The following AMPH variants were observed in gnomAD, a reference collection of about 807,000 sequenced individuals.
AMPH encodes amphiphysin (Stiff-Mann syndrome with breast cancer 128kD autoantigen).
In AMPH, 49 loss-of-function variants were observed where a neutral mutation model predicts 99.1. The observed-to-expected ratio is 0.49, with a 90% CI of 0.39 to 0.63. AMPH has a LOEUF of 0.63. Ranked by LOEUF, AMPH falls within the 20% of genes least tolerant of loss-of-function variation. The pLI is 0.00. For missense variants in AMPH, 759 were observed against 863.4 expected, an observed-to-expected ratio of 0.88 and a Z score of 1.52; for synonymous variants, 314 against 317.3, an observed-to-expected ratio of 0.99 and a Z score of 0.11.
At chr7:38,401,793 C>CT (rs1204263188) in intron 17 of AMPH, among the ~76,000 whole-genome samples, 3 of 151,908 alleles carry the variant, frequency 2.0e-5, no homozygotes, top group South Asian at 2.1e-4. Flanking sequence ...ATTAAGTTTG[C>CT]TTTTTTTGGT....
At chr7:38,476,136 T>C (rs1291186665) in intron 6 of AMPH, among the ~76,000 whole-genome samples, 1 of 152,196 alleles carries the variant, frequency 6.6e-6, no homozygotes, top group Non-Finnish European at 1.5e-5. Flanking sequence ...GCTCATGGTA[T>C]GTTTATGGAA....
intron 1 of AMPH, among the ~76,000 whole-genome samples, chr7:38,544,425 G>A (rs977297690): frequency 5.3e-5 from 8 of 152,276 alleles, no homozygotes; most frequent in African/African-American, 1.9e-4. Context: ...AAATGACCAT[G>A]GCCTTTCTCT....
At chr7:38,450,212 G>C (rs1786954446) in intron 11 of AMPH, among the ~76,000 whole-genome samples, 1 of 152,124 alleles carries the variant, frequency 6.6e-6, no homozygotes, top group South Asian at 2.1e-4. Context: ...ATTTGTAAAG[G>C]GGAAATCTTT....
chr7:38,574,964 G>A (rs1227150857), intron 1 of AMPH, among the ~76,000 whole-genome samples: 1 of 149,312 alleles, frequency 6.7e-6, no homozygotes, highest in Non-Finnish European at 1.5e-5. Flanking sequence ...TGAGGCAGGA[G>A]TATCACTTGA....
At chr7:38,630,915 C>CGGGG (rs1367702642) in intron 1 of AMPH, among the ~76,000 whole-genome samples, 4 of 152,292 alleles carry the variant, frequency 2.6e-5, no homozygotes, top group Admixed American at 6.5e-5. Flanking sequence ...GATGCGAGCG[C>CGGGG]AGGGAGATGC....
intron 2 of AMPH, among the ~76,000 whole-genome samples, chr7:38,506,742 G>A (rs1789339220): frequency 1.3e-5 from 2 of 152,188 alleles, no homozygotes; most frequent in Admixed American, 1.3e-4. Context: ...GAAAGAAATG[G>A]AAGAGAAACC....
intron 11 of AMPH, among the ~76,000 whole-genome samples, chr7:38,437,119 C>CA (rs1467056284): frequency 3.9e-5 from 6 of 151,934 alleles, no homozygotes; most frequent in Middle Eastern, 3.2e-3. Flanking sequence ...TTTGATAATA[C>CA]AAAAAAATCT....
intron 2 of AMPH, among the ~76,000 whole-genome samples, chr7:38,524,306 A>T (rs970492354): frequency 6.6e-5 from 10 of 152,206 alleles, no homozygotes; most frequent in Non-Finnish European, 1.3e-4. Context: ...GTTTAAAGAA[A>T]CTAATGAAAC....
intron 1 of AMPH, among the ~76,000 whole-genome samples, chr7:38,610,222 G>C (rs1202236952): frequency 1.3e-5 from 1 of 78,694 alleles, no homozygotes; most frequent in South Asian, 6.1e-4. Context: ...GGCAACAAAA[G>C]CTAAGCTCTC....
At chr7:38,597,708 CTT>C (rs1195789595) in intron 1 of AMPH, among the ~76,000 whole-genome samples, 1 of 152,140 alleles carries the variant, frequency 6.6e-6, no homozygotes, top group Non-Finnish European at 1.5e-5. Context: ...CTTAGCCAGT[CTT>C]AAAAAACCCC....
intron 17 of AMPH, among the ~76,000 whole-genome samples, chr7:38,407,068 ATATATATATGTGTGTGTGTGTG>A (rs1485498488): frequency 7.4e-5 from 2 of 27,144 alleles, no homozygotes; most frequent in South Asian, 3.8e-3. Context: ...ATATATATAT[ATATATATATGTGTGTGTGTGTG>A]TGTGTGTGTG....
chr7:38,612,238 G>A (rs116948877), intron 1 of AMPH, among the ~76,000 whole-genome samples: 5,618 of 151,916 alleles, frequency 0.037, 169 homozygotes, highest in Admixed American at 0.079. Flanking sequence ...CACTACACCC[G>A]GCTAATTCTG....
intron 7 of AMPH, among the ~76,000 whole-genome samples, chr7:38,468,037 C>T (rs1344853588): frequency 6.6e-6 from 1 of 152,126 alleles, no homozygotes; most frequent in Non-Finnish European, 1.5e-5. Flanking sequence ...GTTTTGTACA[C>T]AGCTTATTCA....
chr7:38,504,793 G>T (rs926021807), intron 2 of AMPH, among the ~76,000 whole-genome samples: 1 of 152,144 alleles, frequency 6.6e-6, no homozygotes, highest in Non-Finnish European at 1.5e-5. Flanking sequence ...TGTGGGCTCA[G>T]AAAAAGGTAC....
chr7:38,488,331 A>G (rs1788590237), intron 5 of AMPH, among the ~76,000 whole-genome samples: 1 of 152,186 alleles, frequency 6.6e-6, no homozygotes, highest in African/African-American at 2.4e-5. Flanking sequence ...ACACCATGGA[A>G]TACTATGAAG....
chr7:38,540,692 CA>C (rs373768495), intron 1 of AMPH, among the ~76,000 whole-genome samples: 15 of 19,768 alleles, frequency 7.6e-4, no homozygotes, highest in African/African-American at 2.5e-3. Flanking sequence ...TGACCCCAAG[CA>C]AAAAAAAAAA....
At chr7:38,476,839 T>C in intron 6 of AMPH, 23 bp downstream of exon 6, 2 of 1,572,378 alleles carry the variant, frequency 1.3e-6, no homozygotes, top group Non-Finnish European at 1.8e-6. Context: ...GAGAGTGGTA[T>C]TCACCATGGG....
rs1300860219 is a variant in AMPH at position 38,448,633 on chromosome 7, T to A, written c.1018-12245A>T. ...ATATCTTACTGTTATGTAGTATTTT[T>A]GGATCATGGTTGACCATGGGTAACT... On this transcript the variant is annotated intron_variant, in intron 11 of 20. Coordinates refer to ENST00000356264, the MANE Select transcript of AMPH (RefSeq NM_001635.4). Among the ~76,000 whole-genome samples, 5 of 152,348 alleles carry A rather than the reference T, an allele frequency of 3.3e-5. No homozygotes were observed. The East Asian group carries it at 9.6e-4, about 29-fold the overall frequency.
rs1008581037 is a variant in AMPH at position 38,479,458 on chromosome 7, C to T, written c.397-2489G>A. 1.3e-4 allele frequency among the ~76,000 whole-genome samples: 19 copies of T among 151,620 alleles called. 1 individual carries two copies. The highest frequency in any genetic ancestry group is 9.8e-4 in the Admixed American group (15 of 15,230). On this transcript the variant is annotated intron_variant, in intron 5 of 20. Transcript: ENST00000356264. ...GTGGAGCTACACAGAAAAATGAGTA[C>T]CAGAAATGATAAAAATCAATGTAAA...
Sources: gnomAD v4.1 joint callset for allele counts (sites outside exome capture counted in the v4.1 genomes callset) on GRCh38, gnomAD v4.1.1 for gene constraint, MANE v1.5 for transcripts, NCBI Gene and HGNC (gene_info 2026-07-23, HGNC 2026-07-21) for gene names.